The following HTR3A variants were observed in gnomAD, a reference collection of about 807,000 sequenced individuals.
HTR3A encodes the protein 5-hydroxytryptamine receptor 3A, also known as 5-hydroxytryptamine (serotonin) receptor 3A, ionotropic.
Under a neutral mutation model 54.8 loss-of-function variants are expected in HTR3A, and 45 were observed. The observed-to-expected ratio is 0.82, with a 90% confidence interval of 0.65 to 1.05. HTR3A has a LOEUF of 1.05. HTR3A is among the 50% of genes least tolerant of loss of function. The probability of loss-of-function intolerance (pLI) is 0.00; values close to 1 mark genes in which losing one functional copy is unlikely to be tolerated. For missense variants in HTR3A, 657 were observed against 614.0 expected, an observed-to-expected ratio of 1.07 and a Z score of -0.74; for synonymous variants, 297 against 256.0, an observed-to-expected ratio of 1.16 and a Z score of -1.53.
intron 1 of HTR3A, among the ~76,000 whole-genome samples, chr11:113,977,258 T>C (rs1329309240): frequency 3.3e-5 from 5 of 152,214 alleles, no homozygotes; most frequent in African/African-American, 1.2e-4. Context: ...TCTTTACCTG[T>C]TTCATACTCA....
rs375768932 is a variant in HTR3A, at chr11:113,989,597, C to T, written c.1271C>T (p.Ser424Phe). ...AVCGLLQELS[S>F]IRQFLEKRDE... ...TGTGGGCTGCTGCAGGAGCTGTCCT[C>T]CATCCGGCAATTCCTGGAAAAGCGG... The change falls in exon 9 of 9, where the codon TCC (serine) becomes TTC (phenylalanine). Residue 424 changes from serine to phenylalanine, a missense_variant. Ser to Phe is a radical substitution (Grantham distance 155). Transcript: ENST00000504030. The surrounding 1 kb of genome is among the most constrained non-coding windows in gnomAD (Gnocchi z 4.4). 6 of 1,614,228 alleles carry T rather than the reference C, an allele frequency of 3.7e-6. No individual in the cohort carries two copies. In the South Asian group the frequency reaches 6.6e-5, roughly 18 times the overall value.
intron 4 of HTR3A, 132 bp from the exon 5 acceptor site, chr11:113,982,988 A>C: frequency 9.6e-7 from 1 of 1,044,484 alleles, no homozygotes; most frequent in Non-Finnish European, 1.5e-6. Flanking sequence ...AGGCCAGGCA[A>C]AACATCCAGG....
At chr11:113,984,728 C>T (rs1218429909) in intron 5 of HTR3A, among the ~76,000 whole-genome samples, 1 of 152,132 alleles carries the variant, frequency 6.6e-6, no homozygotes, top group Non-Finnish European at 1.5e-5. Flanking sequence ...ACCATCCTGG[C>T]CAACATGGTG....
At chr11:113,976,586 TG>T (rs1950353832) in intron 1 of HTR3A, among the ~76,000 whole-genome samples, 1 of 147,450 alleles carries the variant, frequency 6.8e-6, no homozygotes, top group African/African-American at 2.6e-5. Context: ...TGTGTGTGTG[TG>T]TGTGTGTGTG....
At chr11:113,982,317 C>T (rs1247073065) in intron 4 of HTR3A, among the ~76,000 whole-genome samples, 1 of 135,162 alleles carries the variant, frequency 7.4e-6, no homozygotes, top group Non-Finnish European at 1.6e-5. Context: ...CATTGTCCAA[C>T]TCCAGGGGGT....
chr11:113,977,808 G>A lies in HTR3A; in HGVS notation c.105G>A (p.Leu35=), dbSNP rs1392524874. 1 of 1,614,060 alleles carries A rather than the reference G, an allele frequency of 6.2e-7. No individual in the cohort carries two copies. The highest frequency in any genetic ancestry group is 2.2e-5 in the East Asian group (1 of 44,886). ...GAAACACCACCAGGCCCGCTCTGCT[G>A]AGGCTGTCGGATTACCTTTTGACCA... The part of the protein sequence containing the change: ...RSRNTTRPAL[L]RLSDYLLTNY... The change falls in exon 2 of 9, where the codon CTG becomes CTA. Residue 35 remains leucine (L), a synonymous_variant. Coordinates refer to ENST00000504030, the MANE Select transcript of HTR3A (RefSeq NM_000869.6).
chr11:113,979,891 GA>G (rs1950400841), intron 3 of HTR3A, among the ~76,000 whole-genome samples: 1 of 152,158 alleles, frequency 6.6e-6, no homozygotes, highest in Admixed American at 6.5e-5. Context: ...TAAAGTGGCT[GA>G]ACACACGGAG....
chr11:113,982,452 C>T (rs1950433195), intron 4 of HTR3A, among the ~76,000 whole-genome samples: 1 of 152,120 alleles, frequency 6.6e-6, no homozygotes, highest in Non-Finnish European at 1.5e-5. Flanking sequence ...AGTGAAGTGG[C>T]CTTAGTCTTG....
At position 113,977,888 on chromosome 11, in the gene HTR3A, C is replaced by A; in HGVS notation, c.185C>A (p.Ser62Tyr). ...VRDWRKPTTV[S>Y]IDVIVYAILN... is the part of the protein sequence containing the mutation. ...GACTGGAGGAAGCCAACCACCGTAT[C>A]CATTGACGTCATTGTCTATGCCATC... is the stretch of plus-strand genomic sequence containing the variant. Residue 62 changes from serine (S) to tyrosine (Y), a missense_variant, in exon 2 of 9, where the codon TCC becomes TAC. Transcript: ENST00000504030. 1 of 1,614,200 alleles carries A rather than the reference C, an allele frequency of 6.2e-7. No individual in the cohort carries two copies. The highest frequency in any genetic ancestry group is 8.5e-7 in the Non-Finnish European group (1 of 1,180,040).
rs140820494 is a variant in HTR3A at position 113,983,257 on chromosome 11, G to A, written c.512G>A (p.Cys171Tyr). The A allele has an allele frequency of 1.9e-6, 3 of 1,614,206 alleles. No homozygotes were observed. The highest frequency in any genetic ancestry group is 2.2e-5 in the East Asian group (1 of 44,880). ...AACTTCCCCTTCGATGTCCAGAACT[G>A]CTCGCTGACCTTCACCAGTTGGCTG... is the stretch of plus-strand genomic sequence containing the variant. Reference protein sequence around the residue: ...IYNFPFDVQNCSLTFTSWLHT... With the variant: ...IYNFPFDVQNYSLTFTSWLHT... Residue 171 changes from cysteine to tyrosine, a missense_variant, in exon 5 of 9, where the codon TGC (cysteine) becomes TAC (tyrosine). Physicochemically the swap from Cys to Tyr is radical, Grantham distance 194 (BLOSUM62 -2). Coordinates refer to ENST00000504030, the MANE Select transcript of HTR3A (RefSeq NM_000869.6).
At chr11:113,978,072 A>G in intron 2 of HTR3A, 150 bp downstream of exon 2, 4 of 963,152 alleles carry the variant, frequency 4.2e-6, no homozygotes, top group Non-Finnish European at 6.5e-6. Flanking sequence ...GGATTGTAGC[A>G]TCATCTGCAC....
In HTR3A at chr11:113,976,526, A is replaced by G. The variant is rs1950352505; in HGVS notation, c.67+1134A>G. Reference sequence around the variant, plus strand: ...GGACTGTTCTAAAGTTAAATGAAGAATATGTTTATTGATGTTATTCCAAAG... The same window carrying G: ...GGACTGTTCTAAAGTTAAATGAAGAGTATGTTTATTGATGTTATTCCAAAG... On this transcript the variant is annotated intron_variant, in intron 1 of 8. Coordinates refer to ENST00000504030, the MANE Select transcript of HTR3A (RefSeq NM_000869.6). Among the ~76,000 whole-genome samples the G allele has an allele frequency of 2.6e-5, 4 of 151,230 alleles. No homozygotes were observed. In the South Asian group the frequency reaches 8.4e-4, roughly 32 times the overall value.
Position 113,990,270 on chromosome 11 carries a change from C to T in HTR3A, c.*507C>T, listed in dbSNP as rs2137591290. ...GCTTCCCTGAACACTCATCCCCCAT[C>T]AGATGATGGGAGTGGGAAGAATAAA... is the stretch of plus-strand genomic sequence containing the variant. On this transcript the variant is annotated 3_prime_UTR_variant, in exon 9 of 9. Transcript: ENST00000504030. The T allele has an allele frequency of 2.2e-6, 1 of 449,710 alleles. No individual in the cohort carries two copies. The highest frequency in any genetic ancestry group is 2.0e-5 in the African/African-American group (1 of 49,912). 27.9% of individuals were successfully genotyped at this position (449,710 alleles called of 1,614,324 possible).
At chr11:113,987,449 A>G (rs2510565) in intron 8 of HTR3A, among the ~76,000 whole-genome samples, 3 of 152,172 alleles carry the variant, frequency 2.0e-5, no homozygotes, top group Non-Finnish European at 4.4e-5. Flanking sequence ...TAAACAGCCC[A>G]AAGCAGGGCA....
At chr11:113,987,147 T>A in intron 8 of HTR3A, 101 bp downstream of exon 8, 1 of 1,238,678 alleles carries the variant, frequency 8.1e-7, no homozygotes, top group Non-Finnish European at 1.2e-6. Flanking sequence ...GGTGCTGTAC[T>A]GCACATGGCA....
intron 3 of HTR3A, 79 bp from the exon 4 acceptor site, chr11:113,981,124 G>A: frequency 1.1e-6 from 1 of 875,484 alleles, no homozygotes; most frequent in Non-Finnish European, 1.9e-6. Context: ...GGCACTGAGG[G>A]TGAAGTCTGC....
chr11:113,984,077 C>T (rs1445898203), intron 5 of HTR3A, among the ~76,000 whole-genome samples: 1 of 152,136 alleles, frequency 6.6e-6, no homozygotes, highest in African/African-American at 2.4e-5. Context: ...GTTTCCTCTC[C>T]TATGCTACCT....
intron 1 of HTR3A, chr11:113,977,529 C>T: frequency 6.4e-7 from 1 of 1,551,028 alleles, no homozygotes; most frequent in South Asian, 1.2e-5. Context: ...CTCTTCCAAG[C>T]CAGATCTCTG....
At chr11:113,987,367 C>A (rs75833556) in intron 8 of HTR3A, among the ~76,000 whole-genome samples, 1 of 152,098 alleles carries the variant, frequency 6.6e-6, no homozygotes, top group Non-Finnish European at 1.5e-5. Context: ...AACGGATGCC[C>A]CTTAGGCAAT....
Sources: gnomAD v4.1 joint callset for allele counts (sites outside exome capture counted in the v4.1 genomes callset) on GRCh38, gnomAD v4.1.1 for gene constraint, Gnocchi (gnomAD v3.1) non-coding constraint, MANE v1.5 for transcripts, NCBI Gene and HGNC (gene_info 2026-07-23, HGNC 2026-07-21) for gene names.